Variants in PLEKHG1 observed in about 807,000 individuals in gnomAD.
PLEKHG1 encodes pleckstrin homology domain-containing family G member 1.
Under a neutral mutation model 100.8 loss-of-function variants are expected in PLEKHG1, and 44 were observed. That is an observed-to-expected ratio of 0.44 (90% CI 0.34 to 0.56). The LOEUF (loss-of-function observed/expected upper bound fraction) is 0.56, where lower values mean the gene tolerates loss of function less well. PLEKHG1 is among the 20% of genes least tolerant of loss of function. PLEKHG1 has a pLI of 0.01. For missense variants in PLEKHG1, 1,545 were observed against 1,720.9 expected (o/e 0.90, Z 1.81); for synonymous variants, 640 against 662.5 (o/e 0.97, Z 0.52).
chr6:150,808,912 C>G (rs1279785814), intron 7 of PLEKHG1, among the ~76,000 whole-genome samples, 193 bp from the exon 9 acceptor site: 1 of 152,190 alleles, frequency 6.6e-6, no homozygotes, highest in Admixed American at 6.5e-5. Context: ...CAGCCTGATT[C>G]ATTGCTGTTA....
intron 3 of PLEKHG1, among the ~76,000 whole-genome samples, chr6:150,768,963 C>A (rs1368927185): frequency 6.6e-6 from 1 of 152,094 alleles, no homozygotes; most frequent in South Asian, 2.1e-4. Context: ...AGAGAAGAAA[C>A]CTATTTGCCC....
At chr6:150,788,446 A>G (rs1460850169) in intron 4 of PLEKHG1, among the ~76,000 whole-genome samples, 1 of 152,220 alleles carries the variant, frequency 6.6e-6, no homozygotes, top group Non-Finnish European at 1.5e-5. Flanking sequence ...ACAGAGATTC[A>G]TCTTTGACCT....
Position 150,831,901 on chromosome 6 carries a change from C to T in PLEKHG1, c.2790C>T (p.Ser930=). 6.2e-7 allele frequency: 1 copy of T among 1,614,120 alleles called. No individual in the cohort carries two copies. Among genetic ancestry groups the T allele is most frequent in the Non-Finnish European group, 8.5e-7 (1 of 1,179,950 alleles). The change falls in exon 15 of 16, where the codon AGC becomes AGT. Residue 930 remains serine, a synonymous_variant. Coordinates refer to ENST00000358517, the Ensembl canonical transcript of PLEKHG1. The surrounding 1 kb of genome is among the most constrained non-coding windows in gnomAD (Gnocchi z 4.1). ...TTTCTAAAGAAGGCTCCTTTATGAG[C>T]CTTAACCGGCTTTCTCTGGCTAGTG...
intron 2 of PLEKHG1, among the ~76,000 whole-genome samples, chr6:150,646,040 C>T (rs759682127): frequency 1.3e-5 from 2 of 152,198 alleles, no homozygotes; most frequent in Non-Finnish European, 2.9e-5. Context: ...ATACTATCCA[C>T]CAGTACAAAC....
At chr6:150,655,452 C>T (rs1006883486) in intron 3 of PLEKHG1, among the ~76,000 whole-genome samples, 1 of 152,064 alleles carries the variant, frequency 6.6e-6, no homozygotes, top group Non-Finnish European at 1.5e-5. Context: ...CTCACGCCTG[C>T]AATCCCAGCA....
At chr6:150,777,414 C>G (rs1232612507) in intron 3 of PLEKHG1, among the ~76,000 whole-genome samples, 8 of 142,990 alleles carry the variant, frequency 5.6e-5, no homozygotes, top group Admixed American at 1.4e-4. Context: ...TTGCACATTA[C>G]TCACACTGAT....
intron 2 of PLEKHG1, among the ~76,000 whole-genome samples, chr6:150,762,749 C>G (rs1248937923): frequency 1.3e-5 from 2 of 152,128 alleles, no homozygotes; most frequent in African/African-American, 4.8e-5. Flanking sequence ...TTCCTCCTCC[C>G]TAGGTGTTCA....
intron 4 of PLEKHG1, among the ~76,000 whole-genome samples, chr6:150,787,783 A>C (rs573504994): frequency 1.3e-5 from 2 of 152,316 alleles, no homozygotes; most frequent in East Asian, 3.9e-4. Flanking sequence ...TTATATGTAA[A>C]GGCACAATCC....
intron 15 of PLEKHG1, among the ~76,000 whole-genome samples, chr6:150,838,554 G>A (rs999485467): frequency 2.6e-5 from 4 of 152,222 alleles, no homozygotes; most frequent in Non-Finnish European, 5.9e-5. Context: ...TAGGGTGGTT[G>A]TGCAGATACC....
At chr6:150,695,806 G>A (rs1780521362) in intron 3 of PLEKHG1, among the ~76,000 whole-genome samples, 1 of 152,194 alleles carries the variant, frequency 6.6e-6, no homozygotes. Context: ...CTCATGAGCT[G>A]TATTTCTGGT....
At chr6:150,728,527 G>A (rs1782073468) in intron 1 of PLEKHG1, among the ~76,000 whole-genome samples, 1 of 151,952 alleles carries the variant, frequency 6.6e-6, no homozygotes, top group African/African-American at 2.4e-5. Context: ...AGTGAGCCAT[G>A]ATTGTGCCAC....
chr6:150,818,482 G>T (rs1170955637), intron 11 of PLEKHG1, among the ~76,000 whole-genome samples: 2 of 152,156 alleles, frequency 1.3e-5, no homozygotes, highest in African/African-American at 4.8e-5. Flanking sequence ...TATGTCTCCA[G>T]GGTCAACTCT....
At chr6:150,722,632 G>A (rs925772677) in intron 1 of PLEKHG1, among the ~76,000 whole-genome samples, 2 of 152,128 alleles carry the variant, frequency 1.3e-5, no homozygotes, top group Admixed American at 6.5e-5. Flanking sequence ...GATTACAGGC[G>A]TGAGCCACTG....
intron 2 of PLEKHG1, among the ~76,000 whole-genome samples, chr6:150,648,543 A>G (rs1778589943): frequency 6.6e-6 from 1 of 152,172 alleles, no homozygotes; most frequent in Non-Finnish European, 1.5e-5. Flanking sequence ...TATTTATAGA[A>G]TAAACCTTAT....
chr6:150,665,877 T>A (rs1037927598), intron 3 of PLEKHG1, among the ~76,000 whole-genome samples: 3 of 151,972 alleles, frequency 2.0e-5, no homozygotes, highest in Admixed American at 6.6e-5. Context: ...AGGAGCTCAG[T>A]CATAAGGGGA....
chr6:150,736,129 C>T (rs1214392524), intron 2 of PLEKHG1, among the ~76,000 whole-genome samples: 1 of 152,174 alleles, frequency 6.6e-6, no homozygotes, highest in Non-Finnish European at 1.5e-5. Flanking sequence ...GCCACTGAAG[C>T]TCAAAAGCAG....
intron 10 of PLEKHG1, among the ~76,000 whole-genome samples, chr6:150,812,577 G>A (rs1310824176): frequency 6.6e-6 from 1 of 152,168 alleles, no homozygotes; most frequent in Non-Finnish European, 1.5e-5. Flanking sequence ...CAGAAAAAGG[G>A]GGATTAAGAA....
intron 12 of PLEKHG1, 73 bp from the exon 14 acceptor site, chr6:150,821,122 T>C (rs1776269699): frequency 8.4e-7 from 1 of 1,183,626 alleles, no homozygotes; most frequent in Admixed American, 1.8e-5. Flanking sequence ...AGGCTCATAA[T>C]CCTCTTATAA....
intron 1 of PLEKHG1, among the ~76,000 whole-genome samples, chr6:150,728,560 A>G (rs982162373): frequency 1.3e-5 from 2 of 150,086 alleles, no homozygotes; most frequent in African/African-American, 4.9e-5. Flanking sequence ...TGGGTGACAG[A>G]GTGAGACCCT....
Sources: allele counts gnomAD v4.1 joint callset (sites outside exome capture counted in the v4.1 genomes callset), GRCh38; gene constraint gnomAD v4.1.1; non-coding constraint Gnocchi (gnomAD v3.1); transcripts MANE v1.5; gene names NCBI Gene and HGNC (gene_info 2026-07-23, HGNC 2026-07-21).